The following CSMD1 variants were observed in gnomAD, a reference collection of about 807,000 sequenced individuals.
The protein encoded by CSMD1 is CUB and sushi domain-containing protein 1.
CSMD1 carries 213 observed loss-of-function variants against 417.5 expected under a neutral mutation model. The ratio of observed to expected loss-of-function variants is 0.51; its 90% CI spans 0.46 to 0.57. The LOEUF is 0.57. CSMD1 is among the 20% of genes least tolerant of loss of function. The probability of loss-of-function intolerance (pLI) is 0.00; values close to 1 mark genes in which losing one functional copy is unlikely to be tolerated. For missense variants in CSMD1, 6,923 were observed against 4,529.7 expected, an observed-to-expected ratio of 1.53 and a Z score of -15.17; for synonymous variants, 2,862 against 1,736.8, an observed-to-expected ratio of 1.65 and a Z score of -16.11.
rs188114280 is a variant in CSMD1 at position 3,095,871 on chromosome 8, T to A, written c.7138+978A>T. ...AATCATATCACTGTTAAAATTTTCA[T>A]TGAAATTGCAAAAAAATCATAAGAC... On this transcript the variant is annotated intron_variant, in intron 47 of 69. Transcript: ENST00000635120. 3.3e-3 allele frequency among the ~76,000 whole-genome samples: 507 copies of A among 152,292 alleles called. 1 individual carries two copies. The highest frequency in any genetic ancestry group is 0.011 in the African/African-American group (463 of 41,572).
At chr8:4,207,488 C>T (rs937471532) in intron 3 of CSMD1, among the ~76,000 whole-genome samples, 1 of 152,054 alleles carries the variant, frequency 6.6e-6, no homozygotes, top group East Asian at 1.9e-4. Context: ...ATTAAAATGT[C>T]TTATTCATTT....
chr8:3,793,824 G>C (rs1211402298), intron 5 of CSMD1, among the ~76,000 whole-genome samples: 1 of 152,082 alleles, frequency 6.6e-6, no homozygotes, highest in Non-Finnish European at 1.5e-5. Context: ...CTAAATGTCA[G>C]GATCTGCATA....
intron 33 of CSMD1, among the ~76,000 whole-genome samples, chr8:3,198,576 G>C (rs2116711721): frequency 6.6e-6 from 1 of 152,270 alleles, no homozygotes; most frequent in Middle Eastern, 3.4e-3. Context: ...GGATCAGAGA[G>C]ATCTTTGTCT....
intron 12 of CSMD1, among the ~76,000 whole-genome samples, chr8:3,415,882 G>A (rs1384359440): frequency 1.3e-5 from 2 of 152,124 alleles, no homozygotes; most frequent in Non-Finnish European, 2.9e-5. Context: ...GTTTTCATGA[G>A]AATAAGTGAG....
At chr8:3,642,548 G>A (rs368597354) in intron 7 of CSMD1, among the ~76,000 whole-genome samples, 2 of 152,146 alleles carry the variant, frequency 1.3e-5, no homozygotes, top group South Asian at 2.1e-4. Context: ...CAAAGATAAA[G>A]TTCCAAGGAA....
chr8:3,714,186 A>T (rs1334971412), intron 6 of CSMD1, among the ~76,000 whole-genome samples: 1 of 150,476 alleles, frequency 6.6e-6, no homozygotes, highest in Admixed American at 6.7e-5. Context: ...ATATGTATAT[A>T]ATAAGCTCCA....
chr8:3,323,239 G>A (rs1040726890), intron 23 of CSMD1, among the ~76,000 whole-genome samples: 1 of 152,130 alleles, frequency 6.6e-6, no homozygotes, highest in Non-Finnish European at 1.5e-5. Context: ...TAACACAAAT[G>A]ACAAGGGACC....
chr8:3,273,799 G>T (rs1413553037), intron 26 of CSMD1, among the ~76,000 whole-genome samples: 2 of 151,564 alleles, frequency 1.3e-5, no homozygotes, highest in Non-Finnish European at 2.9e-5. Flanking sequence ...CATTTTTATT[G>T]TATCTATTTG....
chr8:4,977,666 G>A (rs1397787174), intron 1 of CSMD1, among the ~76,000 whole-genome samples: 1 of 152,154 alleles, frequency 6.6e-6, no homozygotes, highest in Non-Finnish European at 1.5e-5. Flanking sequence ...TGCCTCACTA[G>A]TTGACATAAT....
At chr8:3,101,750 A>G (rs917786131) in intron 46 of CSMD1, among the ~76,000 whole-genome samples, 1 of 139,562 alleles carries the variant, frequency 7.2e-6, no homozygotes, top group Admixed American at 7.2e-5. Context: ...AGAACAATGC[A>G]CTCTCCTTGT....
rs371207270 is a variant in CSMD1, at chr8:4,218,132, A to G, written c.416-186033T>C. Reference sequence around the variant, plus strand: ...TGGCGATGACCTTGAACAGCAGGGTATAAGTAACTCCTACATGCTGAACGT... The same window carrying G: ...TGGCGATGACCTTGAACAGCAGGGTGTAAGTAACTCCTACATGCTGAACGT... On this transcript the variant is annotated intron_variant, in intron 3 of 69. Transcript: ENST00000635120. 6.4e-4 allele frequency among the ~76,000 whole-genome samples: 97 copies of G among 152,312 alleles called. 2 individuals carry two copies. The highest frequency in any genetic ancestry group is 3.9e-4 in the East Asian group (2 of 5,184).
chr8:3,874,930 T>G (rs1805713430), intron 5 of CSMD1, among the ~76,000 whole-genome samples: 2 of 152,042 alleles, frequency 1.3e-5, no homozygotes, highest in African/African-American at 4.8e-5. Context: ...GGGAAGACCT[T>G]GGGGCCTGAC....
intron 9 of CSMD1, among the ~76,000 whole-genome samples, chr8:3,585,722 T>C (rs1321655332): frequency 3.9e-5 from 6 of 152,192 alleles, no homozygotes; most frequent in African/African-American, 1.4e-4. Context: ...ATTCCTTTTA[T>C]TACTTACATA....
At chr8:4,382,427 T>C (rs76393578) in intron 3 of CSMD1, among the ~76,000 whole-genome samples, 12,735 of 152,232 alleles carry the variant, frequency 0.084, 693 homozygotes, top group South Asian at 0.19. Flanking sequence ...AGCTGTCCTA[T>C]TGTAGTATAG....
chr8:4,164,337 G>C (rs1451267682), intron 3 of CSMD1, among the ~76,000 whole-genome samples: 2 of 152,034 alleles, frequency 1.3e-5, no homozygotes, highest in East Asian at 1.9e-4. Context: ...TATCTAAATA[G>C]TATTCATAAA....
At position 4,718,761 on chromosome 8, in the gene CSMD1, AAT is replaced by A. The variant is rs1489949322; in HGVS notation, c.86-81205_86-81204del. 3.9e-5 allele frequency among the ~76,000 whole-genome samples: 6 copies of A among 152,154 alleles called. No individual in the cohort carries two copies. The Middle Eastern group carries it at 0.017, about 437-fold the overall frequency. On this transcript the variant is annotated intron_variant, in intron 1 of 69. Coordinates refer to ENST00000635120, the MANE Select transcript of CSMD1 (RefSeq NM_033225.6). ...AAAAACAACCAATTTTATAAAAGAA[AAT>A]ACTCTTTTTAAAGCAATAGAAACTT...
intron 7 of CSMD1, among the ~76,000 whole-genome samples, chr8:3,666,953 A>C (rs10104546): frequency 1.3e-5 from 2 of 152,146 alleles, no homozygotes; most frequent in South Asian, 4.1e-4. Context: ...GAGAAATAAA[A>C]GCATTGCAGT....
chr8:3,679,779 T>G (rs1413362758), intron 7 of CSMD1, among the ~76,000 whole-genome samples: 1 of 152,160 alleles, frequency 6.6e-6, no homozygotes, highest in African/African-American at 2.4e-5. Flanking sequence ...GACCACATAG[T>G]TGGAAGTAAA....
chr8:3,314,108 C>G (rs976115854), intron 23 of CSMD1, among the ~76,000 whole-genome samples: 2 of 149,048 alleles, frequency 1.3e-5, no homozygotes, highest in South Asian at 2.2e-4. Flanking sequence ...CATCACACAC[C>G]GGAGCCTGTT....
Sources: allele counts gnomAD v4.1 joint callset (sites outside exome capture counted in the v4.1 genomes callset), GRCh38; gene constraint gnomAD v4.1.1; transcripts MANE v1.5; gene names NCBI Gene and HGNC (gene_info 2026-07-23, HGNC 2026-07-21).